Variants in LHFPL3 observed in about 807,000 individuals in gnomAD.
The protein encoded by LHFPL3 is LHFPL tetraspan subfamily member 3 protein.
LHFPL3 carries 5 observed loss-of-function variants against 19.3 expected under a neutral mutation model. The ratio of observed to expected loss-of-function variants is 0.26; its 90% confidence interval spans 0.14 to 0.54. The LOEUF (loss-of-function observed/expected upper bound fraction) is 0.54. Ranked by LOEUF, LHFPL3 falls within the 20% of genes least tolerant of loss-of-function variation. The pLI is 0.94. For missense variants in LHFPL3, 249 were observed against 307.4 expected (o/e 0.81, Z 1.42); for synonymous variants, 133 against 126.2 (o/e 1.05, Z -0.36).
chr7:104,581,711 G>C (rs956647491), intron 1 of LHFPL3, among the ~76,000 whole-genome samples: 1 of 151,858 alleles, frequency 6.6e-6, no homozygotes, highest in Admixed American at 6.6e-5. Context: ...TAGATATCCT[G>C]TCATTCTAGC....
intron 1 of LHFPL3, among the ~76,000 whole-genome samples, chr7:104,345,770 C>T (rs751267988): frequency 3.3e-5 from 5 of 152,102 alleles, no homozygotes; most frequent in Admixed American, 1.3e-4. Flanking sequence ...TACAAAGTTA[C>T]ATTTAGCATA....
chr7:104,526,583 T>G (rs1241374713), intron 1 of LHFPL3, among the ~76,000 whole-genome samples: 3 of 152,202 alleles, frequency 2.0e-5, no homozygotes, highest in Admixed American at 1.3e-4. Context: ...GTGACATACC[T>G]CTTAGTGACA....
chr7:104,555,493 T>A (rs569078640), intron 1 of LHFPL3, among the ~76,000 whole-genome samples: 2 of 152,234 alleles, frequency 1.3e-5, no homozygotes, highest in South Asian at 2.1e-4. Flanking sequence ...ACTCCCACTT[T>A]TAAAACCATC....
At chr7:104,709,946 G>C (rs12538182) in intron 1 of LHFPL3, among the ~76,000 whole-genome samples, 68,002 of 150,808 alleles carry the variant, frequency 0.45, 16,286 homozygotes, top group East Asian at 0.69. Flanking sequence ...GCTGCAATCT[G>C]GGCACTTTGG....
chr7:104,868,713 T>C (rs180876178), intron 2 of LHFPL3, among the ~76,000 whole-genome samples: 6 of 152,210 alleles, frequency 3.9e-5, no homozygotes, highest in Admixed American at 3.3e-4. Context: ...TTCACAGAAT[T>C]GGAAAAAACG....
chr7:104,497,309 G>GAAAAAA (rs34908934), intron 1 of LHFPL3, among the ~76,000 whole-genome samples: 29 of 96,566 alleles, frequency 3.0e-4, no homozygotes, highest in South Asian at 3.9e-4. Context: ...TTGAGAAAAG[G>GAAAAAA]AAAAAAAAAA....
intron 2 of LHFPL3, among the ~76,000 whole-genome samples, chr7:104,746,156 C>CA (rs1300057586): frequency 6.6e-6 from 1 of 152,032 alleles, no homozygotes; most frequent in Non-Finnish European, 1.5e-5. Context: ...ACTAAAAATA[C>CA]AAAAAATTAT....
chr7:104,379,394 G>C (rs941094913), intron 1 of LHFPL3, among the ~76,000 whole-genome samples: 4 of 152,214 alleles, frequency 2.6e-5, no homozygotes, highest in African/African-American at 9.6e-5. Context: ...AAGATTGTAA[G>C]TCTGCCTCTT....
At chr7:104,488,606 T>A (rs1355975967) in intron 1 of LHFPL3, among the ~76,000 whole-genome samples, 2 of 152,142 alleles carry the variant, frequency 1.3e-5, no homozygotes, top group Non-Finnish European at 2.9e-5. Flanking sequence ...TAGCCTGTCA[T>A]CCCCTCTGTG....
chr7:104,483,218 G>A (rs1793170204), intron 1 of LHFPL3, among the ~76,000 whole-genome samples: 1 of 152,140 alleles, frequency 6.6e-6, no homozygotes, highest in South Asian at 2.1e-4. Flanking sequence ...TGTTACTCCT[G>A]GTTTGTTTTG....
chr7:104,711,041 G>T (rs1793292121), intron 1 of LHFPL3, among the ~76,000 whole-genome samples: 1 of 152,168 alleles, frequency 6.6e-6, no homozygotes, highest in Non-Finnish European at 1.5e-5. Flanking sequence ...TATGAAGTTT[G>T]AACACACAGG....
At chr7:104,480,133 A>G (rs1453049580) in intron 1 of LHFPL3, among the ~76,000 whole-genome samples, 1 of 152,206 alleles carries the variant, frequency 6.6e-6, no homozygotes, top group Non-Finnish European at 1.5e-5. Flanking sequence ...AGGACTTTGG[A>G]GGAAGACAGA....
intron 1 of LHFPL3, among the ~76,000 whole-genome samples, chr7:104,617,982 A>G (rs1005728913): frequency 2.0e-5 from 3 of 152,204 alleles, no homozygotes; most frequent in African/African-American, 4.8e-5. Flanking sequence ...CGGCAAGTCA[A>G]TTACAGACTA....
intron 1 of LHFPL3, among the ~76,000 whole-genome samples, chr7:104,485,935 T>TATGTTA (rs1298414770): frequency 6.6e-6 from 1 of 152,258 alleles, no homozygotes; most frequent in Non-Finnish European, 1.5e-5. Flanking sequence ...TTTGTTTGTT[T>TATGTTA]ATGTTAATGC....
chr7:104,811,678 A>C (rs1790473904), intron 2 of LHFPL3, among the ~76,000 whole-genome samples: 1 of 152,240 alleles, frequency 6.6e-6, no homozygotes, highest in Non-Finnish European at 1.5e-5. Flanking sequence ...GATAATCATT[A>C]GCAATTATTA....
chr7:104,667,263 T>TTGTG (rs1554422209), intron 1 of LHFPL3, among the ~76,000 whole-genome samples: 1 of 130,710 alleles, frequency 7.7e-6, no homozygotes, highest in Non-Finnish European at 1.6e-5. Context: ...ATCTGTTTTC[T>TTGTG]TGGGGGGGGG....
intron 1 of LHFPL3, among the ~76,000 whole-genome samples, chr7:104,466,528 G>A (rs1329344171): frequency 6.6e-6 from 1 of 152,180 alleles, no homozygotes; most frequent in African/African-American, 2.4e-5. Flanking sequence ...TTGTTCCACT[G>A]CTGAAAAGTG....
At chr7:104,644,868 C>A (rs574035674) in intron 1 of LHFPL3, among the ~76,000 whole-genome samples, 1 of 152,256 alleles carries the variant, frequency 6.6e-6, no homozygotes, top group Admixed American at 6.5e-5. Context: ...CATGCCAGAT[C>A]AATCTTGAGC....
At chr7:104,599,037 C>T (rs925120745) in intron 1 of LHFPL3, among the ~76,000 whole-genome samples, 2 of 152,132 alleles carry the variant, frequency 1.3e-5, no homozygotes, top group Admixed American at 6.5e-5. Flanking sequence ...TTTTAAAACT[C>T]CCCTCATATG....
Sources: allele counts gnomAD v4.1 joint callset (sites outside exome capture counted in the v4.1 genomes callset), GRCh38; gene constraint gnomAD v4.1.1; transcripts MANE v1.5; gene names NCBI Gene and HGNC (gene_info 2026-07-23, HGNC 2026-07-21).